Variants in EPHA4 observed in about 807,000 individuals in gnomAD.
The protein encoded by EPHA4 is EPH receptor A4, also known as ephrin type-A receptor 4.
EPHA4 carries 19 observed loss-of-function variants against 108.3 expected under a neutral mutation model. That is an observed-to-expected ratio of 0.18 (90% confidence interval 0.12 to 0.26). EPHA4 has a LOEUF of 0.26. EPHA4 is among the 10% of genes least tolerant of loss of function. The probability of loss-of-function intolerance (pLI) is 1.00; values close to 1 mark genes in which losing one functional copy is unlikely to be tolerated. For missense variants in EPHA4, 917 were observed against 1,254.0 expected (o/e 0.73, Z 4.06); for synonymous variants, 449 against 455.5 (o/e 0.99, Z 0.18).
At chr2:221,433,889 C>T (rs1180781258) in intron 14 of EPHA4, among the ~76,000 whole-genome samples, 1 of 152,036 alleles carries the variant, frequency 6.6e-6, no homozygotes, top group Non-Finnish European at 1.5e-5. Context: ...AAATACTATC[C>T]CATATTTTTT....
At position 221,513,123 on chromosome 2, in the gene EPHA4, T is replaced by C. The variant is rs1692879610; in HGVS notation, c.824-11951A>G. The stretch of plus-strand genomic sequence containing the variant: ...GCTAAAATAATAGTGACTGCTAGCC[T>C]GGAACAAAACACTGAGGTGGGTACT... On this transcript the variant is annotated intron_variant, in intron 3 of 17. Transcript: ENST00000281821. 2.0e-5 allele frequency among the ~76,000 whole-genome samples: 3 copies of C among 152,326 alleles called. No individual in the cohort carries two copies. The East Asian group carries it at 5.8e-4, about 29-fold the overall frequency.
chr2:221,514,627 G>A (rs1168318316), intron 3 of EPHA4, among the ~76,000 whole-genome samples: 1 of 152,172 alleles, frequency 6.6e-6, no homozygotes. Flanking sequence ...GGACTATCAG[G>A]TAGGTCAGTA....
At chr2:221,540,306 GCAAAA>G (rs1445299424) in intron 3 of EPHA4, among the ~76,000 whole-genome samples, 2 of 152,158 alleles carry the variant, frequency 1.3e-5, no homozygotes, top group Non-Finnish European at 2.9e-5. Context: ...ATTTCCACGT[GCAAAA>G]CAAAACAAAT....
intron 3 of EPHA4, among the ~76,000 whole-genome samples, chr2:221,519,190 C>T (rs991371523): frequency 6.6e-6 from 1 of 152,074 alleles, no homozygotes; most frequent in South Asian, 2.1e-4. Context: ...AAAAACAGTG[C>T]AGTGCAACAG....
At chr2:221,488,792 A>G (rs978253148) in intron 4 of EPHA4, among the ~76,000 whole-genome samples, 6 of 152,220 alleles carry the variant, frequency 3.9e-5, no homozygotes, top group African/African-American at 1.2e-4. Context: ...TCTGGGGAAA[A>G]AAACAAGCTT....
chr2:221,480,932 T>A (rs1205997570), intron 5 of EPHA4, among the ~76,000 whole-genome samples: 1 of 152,230 alleles, frequency 6.6e-6, no homozygotes, highest in East Asian at 1.9e-4. Context: ...GTGCACTTAC[T>A]GAAACATTCA....
intron 3 of EPHA4, among the ~76,000 whole-genome samples, chr2:221,546,242 C>T (rs972533388): frequency 2.0e-5 from 3 of 152,020 alleles, no homozygotes; most frequent in African/African-American, 7.2e-5. Context: ...GATCTAATTC[C>T]GAAGGCTTAA....
intron 3 of EPHA4, among the ~76,000 whole-genome samples, chr2:221,562,174 T>C (rs1420804748): frequency 6.6e-6 from 1 of 151,508 alleles, no homozygotes; most frequent in African/African-American, 2.4e-5. Context: ...ATCCTTAAAT[T>C]CCAACTTGTA....
intron 3 of EPHA4, among the ~76,000 whole-genome samples, chr2:221,535,859 T>C (rs1693654666): frequency 6.6e-6 from 1 of 152,178 alleles, no homozygotes; most frequent in African/African-American, 2.4e-5. Flanking sequence ...GGCTGGAAGA[T>C]AGATGGCAAT....
At chr2:221,546,443 C>A (rs185516506) in intron 3 of EPHA4, among the ~76,000 whole-genome samples, 1 of 151,778 alleles carries the variant, frequency 6.6e-6, no homozygotes, top group Non-Finnish European at 1.5e-5. Context: ...ATACTTTTTT[C>A]TTTTTTATTT....
Position 221,419,189 on chromosome 2 carries a change from A to G in EPHA4, c.*2183T>C, listed in dbSNP as rs529277396. On this transcript the variant is annotated 3_prime_UTR_variant, in exon 18 of 18. Coordinates refer to ENST00000281821, the MANE Select transcript of EPHA4 (RefSeq NM_004438.5). ...GTAAGTTGGCTGGAGTTTGGTATAC[A>G]TATCATATCAATACTGAATCTTCAC... The G allele has an allele frequency of 9.8e-5, 15 of 152,744 alleles. No individual in the cohort carries two copies. Among genetic ancestry groups the G allele is most frequent in the African/African-American group, 3.6e-4 (15 of 41,574 alleles). The allele number at this position is 152,744 out of a possible 1,614,324, so 9.5% of individuals were successfully genotyped here. A position where few individuals can be genotyped will look rare whatever the true frequency, so the allele number is the denominator to read the frequency against.
chr2:221,564,002 A>C lies in EPHA4; in HGVS notation c.552T>G (p.Ala184=). The change falls in exon 3 of 18, where the codon GCT becomes GCG. Residue 184 remains alanine (A), a synonymous_variant. Transcript: ENST00000281821. The stretch of plus-strand genomic sequence containing the variant: ...CGATGCAGGCCCCCACATCCTGAAA[A>C]GCCAGGTAAAACCCCTTTTTGCTTA... The part of the protein sequence containing the change: ...GPLSKKGFYL[A]FQDVGACIAL... 1 of 1,613,852 alleles carries C rather than the reference A, an allele frequency of 6.2e-7. No homozygotes were observed. The highest frequency in any genetic ancestry group is 8.5e-7 in the Non-Finnish European group (1 of 1,179,976).
chr2:221,541,754 C>T (rs1033898411), intron 3 of EPHA4, among the ~76,000 whole-genome samples: 7 of 152,178 alleles, frequency 4.6e-5, no homozygotes, highest in Admixed American at 2.0e-4. Context: ...AGCACCACCA[C>T]CCAAACAGAG....
chr2:221,492,077 A>G (rs1016997269), intron 4 of EPHA4, among the ~76,000 whole-genome samples: 4 of 152,202 alleles, frequency 2.6e-5, no homozygotes, highest in Non-Finnish European at 4.4e-5. Flanking sequence ...ACCTTGTTTC[A>G]TAGAAGCATG....
chr2:221,448,363 T>A (rs898082146), intron 8 of EPHA4, among the ~76,000 whole-genome samples: 1 of 152,138 alleles, frequency 6.6e-6, no homozygotes, highest in Non-Finnish European at 1.5e-5. Context: ...ATTAGTTACA[T>A]AAGGATACCT....
intron 3 of EPHA4, among the ~76,000 whole-genome samples, chr2:221,548,342 GAC>G (rs1411703149): frequency 6.6e-6 from 1 of 151,472 alleles, no homozygotes; most frequent in African/African-American, 2.4e-5. Context: ...CCAGCCTGGC[GAC>G]AGAGCGAGAG....
intron 3 of EPHA4, among the ~76,000 whole-genome samples, chr2:221,506,937 A>T (rs1296154021): frequency 6.6e-6 from 1 of 152,224 alleles, no homozygotes; most frequent in African/African-American, 2.4e-5. Context: ...GGGGAATGGA[A>T]TTCTTTGTTG....
intron 4 of EPHA4, among the ~76,000 whole-genome samples, chr2:221,484,776 C>T (rs986424639): frequency 6.6e-6 from 1 of 152,184 alleles, no homozygotes. Context: ...TTCATGCAAT[C>T]TAATTAGTGA....
At chr2:221,472,055 G>A (rs551049663) in intron 5 of EPHA4, among the ~76,000 whole-genome samples, 13 of 152,108 alleles carry the variant, frequency 8.5e-5, no homozygotes, top group Admixed American at 5.9e-4. Flanking sequence ...TTCAACATGA[G>A]CCTCATCAAT....
Sources: gnomAD v4.1 joint callset for allele counts (sites outside exome capture counted in the v4.1 genomes callset) on GRCh38, gnomAD v4.1.1 for gene constraint, MANE v1.5 for transcripts, NCBI Gene and HGNC (gene_info 2026-07-23, HGNC 2026-07-21) for gene names.